PCDH15: variants seen among roughly 807,000 people sequenced by gnomAD.
The protein encoded by PCDH15 is protocadherin-15.
Under a neutral mutation model 178.5 loss-of-function variants are expected in PCDH15, and 129 were observed. That is an observed-to-expected ratio of 0.72 (90% CI 0.63 to 0.84). The LOEUF is 0.84. PCDH15 is among the 40% of genes least tolerant of loss of function. The pLI, the probability that PCDH15 is intolerant of heterozygous loss-of-function variation, is 0.00. For missense variants in PCDH15, 2,230 were observed against 2,099.9 expected (o/e 1.06, Z -1.21); for synonymous variants, 800 against 732.0 (o/e 1.09, Z -1.50).
chr10:55,263,647 G>C (rs1482826206), intron 1 of PCDH15, among the ~76,000 whole-genome samples: 1 of 152,034 alleles, frequency 6.6e-6, no homozygotes, highest in East Asian at 1.9e-4. Flanking sequence ...GTAAGGATTA[G>C]AGGGACTCAC....
chr10:54,393,335 T>A (rs1013246204), intron 3 of PCDH15, among the ~76,000 whole-genome samples: 4 of 152,182 alleles, frequency 2.6e-5, no homozygotes, highest in Non-Finnish European at 5.9e-5. Flanking sequence ...AAGTTTTCTT[T>A]CTCAAGAAGG....
chr10:55,609,086 T>A (rs948835426), intron 2 of PCDH15, among the ~76,000 whole-genome samples: 2 of 151,922 alleles, frequency 1.3e-5, no homozygotes, highest in African/African-American at 4.8e-5. Flanking sequence ...CTTTTCTTTT[T>A]TTTTCTGGAC....
At chr10:54,206,261 A>C (rs1312932919) in intron 10 of PCDH15, among the ~76,000 whole-genome samples, 1 of 152,114 alleles carries the variant, frequency 6.6e-6, no homozygotes, top group Non-Finnish European at 1.5e-5. Flanking sequence ...TGAATGATTT[A>C]AAGAAAAAAT....
chr10:54,690,795 T>C (rs2095107210), intron 1 of PCDH15, among the ~76,000 whole-genome samples: 1 of 152,134 alleles, frequency 6.6e-6, no homozygotes, highest in Non-Finnish European at 1.5e-5. Context: ...TCACCTATTA[T>C]ATTTGAAACT....
chr10:55,341,782 TATATATATATATATATATATATA>T (rs1423985818), intron 2 of PCDH15, among the ~76,000 whole-genome samples: 44 of 11,156 alleles, frequency 3.9e-3, no homozygotes, highest in African/African-American at 0.012. Flanking sequence ...TATATATATA[TATATATATATATATATATATATA>T]TTTTTTTTTT....
intron 2 of PCDH15, among the ~76,000 whole-genome samples, chr10:54,627,548 C>A (rs1214714211): frequency 2.0e-5 from 3 of 152,190 alleles, no homozygotes; most frequent in African/African-American, 7.2e-5. Flanking sequence ...AATTATGAGA[C>A]TTCCTCAGCC....
intron 2 of PCDH15, among the ~76,000 whole-genome samples, chr10:55,433,421 G>C (rs906794211): frequency 2.6e-5 from 4 of 152,098 alleles, no homozygotes; most frequent in Non-Finnish European, 4.4e-5. Context: ...GCCCACTTAA[G>C]GGCAGAGCAT....
Position 55,098,920 on chromosome 10 carries a change from GA to G in PCDH15, c.-80+67655del, listed in dbSNP as rs1187837440. Among the ~76,000 whole-genome samples the G allele has an allele frequency of 5.7e-4, 84 of 147,422 alleles. No individual in the cohort carries two copies. In the East Asian group the frequency reaches 0.015, roughly 26 times the overall value. On this transcript the variant is annotated intron_variant, in intron 2 of 5. Coordinates refer to the PCDH15 transcript ENST00000458638. ...TGAGAGAGAGAGAGAGAGAGAGAGA[GA>G]GAGAGAGAGAGAGCTCTTATCCTTT...
intron 2 of PCDH15, chr10:55,575,801 A>G (rs900014801): frequency 4.6e-5 from 7 of 152,194 alleles, no homozygotes; most frequent in African/African-American, 1.7e-4. Flanking sequence ...GCAATGAAAT[A>G]CCACACTTGA....
chr10:55,057,891 T>C (rs939495650), intron 2 of PCDH15, among the ~76,000 whole-genome samples: 2 of 152,206 alleles, frequency 1.3e-5, no homozygotes, highest in Non-Finnish European at 2.9e-5. Flanking sequence ...TTTATTAACA[T>C]ATACACATTT....
chr10:54,642,461 T>A (rs960233701), intron 2 of PCDH15, among the ~76,000 whole-genome samples: 5 of 152,192 alleles, frequency 3.3e-5, no homozygotes, highest in Non-Finnish European at 7.3e-5. Flanking sequence ...TATTATTCCC[T>A]CCATTTAGAA....
At chr10:55,228,622 A>T (rs2132194809) in intron 1 of PCDH15, among the ~76,000 whole-genome samples, 1 of 152,104 alleles carries the variant, frequency 6.6e-6, no homozygotes, top group Middle Eastern at 3.4e-3. Flanking sequence ...TCATATTTCA[A>T]TTCAGTATAT....
At chr10:54,775,965 T>G (rs1287057921) in intron 1 of PCDH15, among the ~76,000 whole-genome samples, 2 of 152,192 alleles carry the variant, frequency 1.3e-5, no homozygotes, top group African/African-American at 4.8e-5. Context: ...TGTAGTAACC[T>G]GTTTTGCATT....
At chr10:54,026,137 A>G (rs2093082533) in intron 18 of PCDH15, among the ~76,000 whole-genome samples, 1 of 149,188 alleles carries the variant, frequency 6.7e-6, no homozygotes, top group Admixed American at 6.8e-5. Context: ...GGTGTGATCT[A>G]GGCTCACTGC....
At chr10:54,725,560 A>G (rs374535997) in intron 1 of PCDH15, among the ~76,000 whole-genome samples, 4 of 124,514 alleles carry the variant, frequency 3.2e-5, no homozygotes, top group Non-Finnish European at 5.2e-5. Flanking sequence ...AATTATATAT[A>G]TATATAATTG....
intron 35 of PCDH15, among the ~76,000 whole-genome samples, chr10:53,814,643 G>A (rs1278391848): frequency 6.6e-6 from 1 of 151,946 alleles, no homozygotes; most frequent in Non-Finnish European, 1.5e-5. Context: ...CATGAATGAA[G>A]AGCAGAGCCA....
intron 2 of PCDH15, among the ~76,000 whole-genome samples, chr10:55,593,406 G>GA (rs977264131): frequency 3.3e-5 from 5 of 151,598 alleles, no homozygotes; most frequent in Admixed American, 1.3e-4. Flanking sequence ...ATGTATCAAG[G>GA]AAAAAATCAG....
intron 2 of PCDH15, among the ~76,000 whole-genome samples, chr10:55,537,863 T>G (rs1336916755): frequency 6.6e-6 from 1 of 152,226 alleles, no homozygotes; most frequent in African/African-American, 2.4e-5. Context: ...TCAACAGATG[T>G]GAAGATATCA....
intron 3 of PCDH15, among the ~76,000 whole-genome samples, chr10:54,892,024 G>A (rs1413082239): frequency 6.6e-6 from 1 of 152,042 alleles, no homozygotes; most frequent in African/African-American, 2.4e-5. Context: ...ATATGATCAT[G>A]AGGACTTTCT....
Sources: allele counts gnomAD v4.1 joint callset (sites outside exome capture counted in the v4.1 genomes callset), GRCh38; gene constraint gnomAD v4.1.1; transcripts MANE v1.5; gene names NCBI Gene and HGNC (gene_info 2026-07-23, HGNC 2026-07-21).